NUBPL: variants seen among roughly 807,000 people sequenced by gnomAD.
The protein encoded by NUBPL is NUBP iron-sulfur cluster assembly factor, mitochondrial.
A neutral mutation model predicts 45.7 loss-of-function variants in NUBPL; 31 were observed. That is an observed-to-expected ratio of 0.68 (90% confidence interval 0.51 to 0.92). The LOEUF is 0.92. Among genes scored for constraint, NUBPL ranks in the 40% least tolerant of loss-of-function variants. The pLI, the probability that NUBPL is intolerant of heterozygous loss-of-function variation, is 0.00. For missense variants in NUBPL, 401 were observed against 398.7 expected, an observed-to-expected ratio of 1.01 and a Z score of -0.05; for synonymous variants, 144 against 140.9, an observed-to-expected ratio of 1.02 and a Z score of -0.15.
chr14:31,644,115 C>A (rs2035781266), intron 4 of NUBPL, among the ~76,000 whole-genome samples: 1 of 151,786 alleles, frequency 6.6e-6, no homozygotes, highest in Non-Finnish European at 1.5e-5. Context: ...CATTGATCTT[C>A]TGGGTTTCTT....
intron 6 of NUBPL, among the ~76,000 whole-genome samples, chr14:31,711,290 G>A (rs1219941689): frequency 6.6e-6 from 1 of 152,150 alleles, no homozygotes; most frequent in Non-Finnish European, 1.5e-5. Context: ...AGAGTCAGGG[G>A]ATGTTAGAGA....
intron 6 of NUBPL, among the ~76,000 whole-genome samples, chr14:31,732,110 C>T (rs533618664): frequency 1.4e-5 from 2 of 144,618 alleles, no homozygotes; most frequent in African/African-American, 2.6e-5. Context: ...AGGAGAATGG[C>T]GTGAACCCAG....
Position 31,679,027 on chromosome 14 carries a change from G to T in NUBPL, c.513+5453G>T, listed in dbSNP as rs149659854. ...GTCCATATGCTTCCTCTGTGTGCAG[G>T]CATCAGGTAGGTGCAGCCTGGTTCT... On this transcript the variant is annotated intron_variant, in intron 6 of 10. Transcript: ENST00000281081. 3.7e-4 allele frequency among the ~76,000 whole-genome samples: 57 copies of T among 152,220 alleles called. No individual in the cohort carries two copies. In the East Asian group the frequency reaches 8.7e-3, roughly 23 times the overall value.
chr14:31,648,755 G>C (rs1595433466), intron 4 of NUBPL, among the ~76,000 whole-genome samples: 1 of 152,192 alleles, frequency 6.6e-6, no homozygotes, highest in African/African-American at 2.4e-5. Context: ...TCACATGAGT[G>C]AGGCAGTCCA....
intron 7 of NUBPL, among the ~76,000 whole-genome samples, chr14:31,820,846 C>T (rs1177921531): frequency 2.1e-5 from 3 of 139,914 alleles, no homozygotes; most frequent in Non-Finnish European, 3.0e-5. Flanking sequence ...AAAGGCCCAG[C>T]GCATTGTCTG....
intron 3 of NUBPL, among the ~76,000 whole-genome samples, chr14:31,598,103 G>T (rs1402671678): frequency 6.6e-6 from 1 of 151,956 alleles, no homozygotes; most frequent in Non-Finnish European, 1.5e-5. Flanking sequence ...ATAAAGCTGA[G>T]ATTTTCATAG....
intron 6 of NUBPL, among the ~76,000 whole-genome samples, chr14:31,781,083 A>G (rs1311363468): frequency 6.6e-6 from 1 of 152,206 alleles, no homozygotes; most frequent in Non-Finnish European, 1.5e-5. Context: ...AAGAAGCTTG[A>G]TTTAGGATTT....
At chr14:31,585,934 C>T (rs1340847143) in intron 3 of NUBPL, among the ~76,000 whole-genome samples, 1 of 152,118 alleles carries the variant, frequency 6.6e-6, no homozygotes, top group Non-Finnish European at 1.5e-5. Flanking sequence ...TTTTGTAATG[C>T]TTAACATTAT....
chr14:31,656,885 C>T (rs1350822843), intron 4 of NUBPL, among the ~76,000 whole-genome samples: 1 of 152,070 alleles, frequency 6.6e-6, no homozygotes, highest in Non-Finnish European at 1.5e-5. Flanking sequence ...GCAGTAACTG[C>T]AAAGTACAAT....
intron 3 of NUBPL, chr14:31,577,874 C>A: frequency 1.0e-6 from 1 of 972,616 alleles, no homozygotes; most frequent in Non-Finnish European, 1.4e-6. Flanking sequence ...GTGGAGCCAC[C>A]TTAGTGGTTT....
chr14:31,840,163 C>T (rs1332988596), intron 8 of NUBPL, among the ~76,000 whole-genome samples: 1 of 152,172 alleles, frequency 6.6e-6, no homozygotes, highest in African/African-American at 2.4e-5. Context: ...CACATGTTTA[C>T]TGCAGCACTA....
chr14:31,756,663 T>G (rs2038672401), intron 6 of NUBPL, among the ~76,000 whole-genome samples: 1 of 148,334 alleles, frequency 6.7e-6, no homozygotes, highest in Admixed American at 6.8e-5. Context: ...CAATTTGACT[T>G]CCTCTTTTCC....
At chr14:31,668,825 A>G (rs1392581696) in intron 4 of NUBPL, among the ~76,000 whole-genome samples, 2 of 152,114 alleles carry the variant, frequency 1.3e-5, no homozygotes, top group Admixed American at 1.3e-4. Context: ...TTCCCAGATG[A>G]GGTGACACCC....
rs767197840 is a variant in NUBPL, at chr14:31,836,225, C to T, written c.693+9511C>T. Among the ~76,000 whole-genome samples the T allele has an allele frequency of 2.4e-4, 36 of 152,208 alleles. 1 individual carries two copies. Among genetic ancestry groups the T allele is most frequent in the South Asian group, 6.2e-4 (3 of 4,822 alleles). On this transcript the variant is annotated intron_variant, in intron 8 of 10. Transcript: ENST00000281081. ...GGATTGGAATACTGCAAAAATCACA[C>T]GCAAAAAGGTTGTGGTGGCTGATGG...
intron 4 of NUBPL, among the ~76,000 whole-genome samples, chr14:31,672,271 A>ATG (rs1491399039): frequency 7.0e-5 from 4 of 57,442 alleles, no homozygotes; most frequent in Admixed American, 2.3e-4. Context: ...GACTGATTAG[A>ATG]TATGTGTGTG....
intron 7 of NUBPL, among the ~76,000 whole-genome samples, chr14:31,799,334 A>G (rs2138858418): frequency 6.6e-6 from 1 of 152,290 alleles, no homozygotes; most frequent in Non-Finnish European, 1.5e-5. Flanking sequence ...GATCCTTACA[A>G]GTCTGTGGAG....
chr14:31,577,494 A>G (rs1595304974), intron 3 of NUBPL, among the ~76,000 whole-genome samples: 1 of 152,030 alleles, frequency 6.6e-6, no homozygotes, highest in South Asian at 2.1e-4. Flanking sequence ...GCTCACTGCA[A>G]CCTCCACCTG....
intron 8 of NUBPL, among the ~76,000 whole-genome samples, chr14:31,834,862 T>C (rs955838450): frequency 1.3e-5 from 2 of 152,220 alleles, no homozygotes; most frequent in African/African-American, 4.8e-5. Context: ...AAGTCAGCTT[T>C]CCAGAGCCCG....
chr14:31,580,710 A>T (rs764543185), intron 3 of NUBPL, among the ~76,000 whole-genome samples: 2 of 152,242 alleles, frequency 1.3e-5, no homozygotes, highest in Non-Finnish European at 2.9e-5. Flanking sequence ...TTGAGCAGAC[A>T]TCTGAATGAA....
Sources: gnomAD v4.1 joint callset for allele counts (sites outside exome capture counted in the v4.1 genomes callset) on GRCh38, gnomAD v4.1.1 for gene constraint, MANE v1.5 for transcripts, NCBI Gene and HGNC (gene_info 2026-07-23, HGNC 2026-07-21) for gene names.